The following NUDT3 variants were observed in gnomAD, a reference collection of about 807,000 sequenced individuals.
The protein encoded by NUDT3 is diphosphoinositol polyphosphate phosphohydrolase 1.
In NUDT3, 9 loss-of-function variants were observed where a neutral mutation model predicts 23.6. That is an observed-to-expected ratio of 0.38 (90% CI 0.23 to 0.66). NUDT3 has a LOEUF of 0.66. Among genes scored for constraint, NUDT3 ranks in the 30% least tolerant of loss-of-function variants. NUDT3 has a pLI of 0.52. For synonymous variants in NUDT3, 86 were observed against 82.6 expected (o/e 1.04, Z -0.22); for missense variants, 172 against 218.5 (o/e 0.79, Z 1.34).
intron 3 of NUDT3, among the ~76,000 whole-genome samples, chr6:34,293,849 G>A (rs1763460036): frequency 6.6e-6 from 1 of 152,102 alleles, no homozygotes; most frequent in African/African-American, 2.4e-5. Flanking sequence ...TAGACCACCA[G>A]GGAGAGGACT....
At chr6:34,343,137 A>G (rs745497720) in intron 1 of NUDT3, among the ~76,000 whole-genome samples, 33 of 152,296 alleles carry the variant, frequency 2.2e-4, no homozygotes, top group Non-Finnish European at 3.7e-4. Flanking sequence ...TTAAACTTAC[A>G]AGTACTATTT....
intron 1 of NUDT3, among the ~76,000 whole-genome samples, chr6:34,347,677 G>C (rs1272178827): frequency 6.6e-6 from 1 of 152,106 alleles, no homozygotes; most frequent in East Asian, 1.9e-4. Flanking sequence ...AATTGTTGTG[G>C]GGTTTTTTGC....
chr6:34,306,061 T>C (rs1474604119), intron 2 of NUDT3, among the ~76,000 whole-genome samples: 1 of 152,256 alleles, frequency 6.6e-6, no homozygotes, highest in Non-Finnish European at 1.5e-5. Flanking sequence ...ATTTAACCTC[T>C]ATTTTTCTGT....
intron 1 of NUDT3, among the ~76,000 whole-genome samples, chr6:34,389,658 AAAAT>A (rs532898376): frequency 6.6e-6 from 1 of 151,950 alleles, no homozygotes; most frequent in Non-Finnish European, 1.5e-5. Context: ...ACCCTGTCTC[AAAAT>A]AAATAAATAA....
At chr6:34,335,741 G>T in intron 2 of NUDT3, among the ~76,000 whole-genome samples, 1 of 148,312 alleles carries the variant, frequency 6.7e-6, no homozygotes. Flanking sequence ...TTTTTTCTTT[G>T]AAAATGCTGT....
chr6:34,302,003 T>A (rs1159755991), intron 2 of NUDT3, among the ~76,000 whole-genome samples: 1 of 152,164 alleles, frequency 6.6e-6, no homozygotes. Flanking sequence ...CAAGTGACCA[T>A]CATAATGAAT....
At chr6:34,356,959 A>G (rs569569869) in intron 1 of NUDT3, among the ~76,000 whole-genome samples, 1 of 152,008 alleles carries the variant, frequency 6.6e-6, no homozygotes, top group African/African-American at 2.4e-5. Context: ...TTGTATTTTT[A>G]GTAGAAACAG....
chr6:34,304,309 G>A (rs114587356), intron 2 of NUDT3, among the ~76,000 whole-genome samples: 1 of 150,832 alleles, frequency 6.6e-6, no homozygotes, highest in African/African-American at 2.4e-5. Context: ...GCTCATACCT[G>A]TAATCCTAGC....
intron 1 of NUDT3, among the ~76,000 whole-genome samples, chr6:34,384,071 G>T (rs1171968599): frequency 6.6e-6 from 1 of 152,164 alleles, no homozygotes; most frequent in Non-Finnish European, 1.5e-5. Context: ...ATTGCTACCT[G>T]TGTCTTACTC....
chr6:34,304,906 A>G (rs899882380), intron 2 of NUDT3, among the ~76,000 whole-genome samples: 4 of 150,064 alleles, frequency 2.7e-5, no homozygotes, highest in Admixed American at 6.7e-5. Flanking sequence ...TCCTGGGCTC[A>G]AGTGATCCTC....
At chr6:34,307,618 A>C (rs1048595494) in intron 2 of NUDT3, among the ~76,000 whole-genome samples, 2 of 152,320 alleles carry the variant, frequency 1.3e-5, no homozygotes, top group East Asian at 3.9e-4. Flanking sequence ...TACGTATATT[A>C]TCTCTTCTTC....
Position 34,392,457 on chromosome 6 carries a change from G to A in NUDT3, c.-95C>T, listed in dbSNP as rs1436970192. The A allele has an allele frequency of 1.0e-5, 9 of 858,132 alleles. No homozygotes were observed. The highest frequency in any genetic ancestry group is 1.6e-5 in the Non-Finnish European group (9 of 554,900). 53.2% of individuals were successfully genotyped at this position (858,132 alleles called of 1,614,324 possible). On this transcript the variant is annotated 5_prime_UTR_variant, in exon 1 of 5. Transcript: ENST00000607016. ...CCGCGTGCGCGCGCGCCCCCGGCTC[G>A]GCCAAGGGAAGCAGGGAGGGGGAGC...
At chr6:34,326,149 T>C (rs1411627241) in intron 2 of NUDT3, among the ~76,000 whole-genome samples, 1 of 151,008 alleles carries the variant, frequency 6.6e-6, no homozygotes, top group Non-Finnish European at 1.5e-5. Context: ...GCCATCTACA[T>C]AAAGCCTGCT....
chr6:34,337,409 C>A (rs1272545705), intron 2 of NUDT3, among the ~76,000 whole-genome samples: 1 of 152,174 alleles, frequency 6.6e-6, no homozygotes, highest in Non-Finnish European at 1.5e-5. Context: ...AAGACAGGAG[C>A]TAGGTAAGAT....
intron 2 of NUDT3, among the ~76,000 whole-genome samples, chr6:34,316,131 T>C (rs1046864998): frequency 6.6e-6 from 1 of 152,202 alleles, no homozygotes; most frequent in Admixed American, 6.5e-5. Flanking sequence ...CCCAAAGCAC[T>C]GGGATTACAG....
chr6:34,303,227 T>TG (rs1554149583), intron 2 of NUDT3, among the ~76,000 whole-genome samples: 146 of 123,726 alleles, frequency 1.2e-3, no homozygotes, highest in African/African-American at 3.8e-3. Flanking sequence ...TTTTTTTTTT[T>TG]GTAGAATTGG....
intron 2 of NUDT3, among the ~76,000 whole-genome samples, chr6:34,321,244 C>G (rs530236527): frequency 6.6e-6 from 1 of 152,140 alleles, no homozygotes; most frequent in African/African-American, 2.4e-5. Context: ...TCAAGACCAG[C>G]CTGGGCAACA....
rs558609958 is a variant in NUDT3, at chr6:34,326,722, T to C, written c.210+15140A>G. On this transcript the variant is annotated intron_variant, in intron 2 of 4. Transcript: ENST00000607016. ...TTCAAGCAATTCTCCTGCCTCAGCCTCCCGACTAACTGGGATTATAGGCAC... is the reference window on the plus strand; with the variant it reads ...TTCAAGCAATTCTCCTGCCTCAGCCCCCCGACTAACTGGGATTATAGGCAC... Among the ~76,000 whole-genome samples, 212 of 152,126 alleles carry C rather than the reference T, an allele frequency of 1.4e-3. 1 individual carries two copies. The highest frequency in any genetic ancestry group is 4.8e-3 in the African/African-American group (198 of 41,494).
At chr6:34,382,602 C>A (rs1008407475) in intron 1 of NUDT3, among the ~76,000 whole-genome samples, 1 of 151,588 alleles carries the variant, frequency 6.6e-6, no homozygotes, top group Non-Finnish European at 1.5e-5. Context: ...TCGGTCAAGG[C>A]AGGAGGGCTG....
Sources: allele counts gnomAD v4.1 joint callset (sites outside exome capture counted in the v4.1 genomes callset), GRCh38; gene constraint gnomAD v4.1.1; transcripts MANE v1.5; gene names NCBI Gene and HGNC (gene_info 2026-07-23, HGNC 2026-07-21).